GNAL: variants seen among roughly 807,000 people sequenced by gnomAD.
The protein encoded by GNAL is guanine nucleotide-binding protein G(olf) subunit alpha.
Under a neutral mutation model 55.1 loss-of-function variants are expected in GNAL, and 18 were observed. That is an observed-to-expected ratio of 0.33 (90% CI 0.23 to 0.48). GNAL has a LOEUF of 0.48. Ranked by LOEUF, GNAL falls within the 20% of genes least tolerant of loss-of-function variation. GNAL has a pLI of 0.99. For missense variants in GNAL, 412 were observed against 614.1 expected (o/e 0.67, Z 3.48); for synonymous variants, 253 against 237.0 (o/e 1.07, Z -0.62).
At position 11,689,941 on chromosome 18, in the gene GNAL, TA is replaced by T; in HGVS notation, c.376+3del. The T allele has an allele frequency of 1.5e-6, 2 of 1,338,000 alleles. No individual in the cohort carries two copies. The highest frequency in any genetic ancestry group is 1.6e-5 in the African/African-American group (1 of 63,738). 82.9% of individuals were successfully genotyped at this position (1,338,000 alleles called of 1,614,324 possible). A position where few individuals can be genotyped will look rare whatever the true frequency, so the allele number is the denominator to read the frequency against. The stretch of plus-strand genomic sequence containing the variant: ...AGACGCACCGGCTCCTGCTGCTCGG[TA>T]GGTCCCGGCCGCGAGGTCGGCTGAC... On this transcript the variant is annotated splice_donor_region_variant and intron_variant, in intron 1 of 11. Coordinates refer to ENST00000334049, the MANE Select transcript of GNAL (RefSeq NM_182978.4).
chr18:11,729,097 C>T (rs1401963260), intron 1 of GNAL, among the ~76,000 whole-genome samples: 2 of 151,850 alleles, frequency 1.3e-5, no homozygotes, highest in East Asian at 1.9e-4. Context: ...GGTATTTGGC[C>T]GCAAACGAGA....
rs2036775570 is a variant in GNAL at position 11,883,557 on chromosome 18, C to T, written c.*2422C>T. 1 of 153,646 alleles carries T rather than the reference C, an allele frequency of 6.5e-6. No homozygotes were observed. Among genetic ancestry groups the T allele is most frequent in the Non-Finnish European group, 1.5e-5 (1 of 68,042 alleles). The allele number at this position is 153,646 out of a possible 1,614,324, so 9.5% of individuals were successfully genotyped here. A position where few individuals can be genotyped will look rare whatever the true frequency, so the allele number is the denominator to read the frequency against. On this transcript the variant is annotated 3_prime_UTR_variant, in exon 12 of 12. Transcript: ENST00000334049. The stretch of plus-strand genomic sequence containing the variant: ...CCACTTTTTAAGTTTCTTTTGATCA[C>T]TGACAGGCATTAACAGATGTAGCAA...
intron 6 of GNAL, among the ~76,000 whole-genome samples, chr18:11,864,246 C>T (rs926892487): frequency 6.6e-6 from 1 of 152,046 alleles, no homozygotes; most frequent in African/African-American, 2.4e-5. Context: ...GTGACCACAC[C>T]TGGCTAATTT....
intron 4 of GNAL, among the ~76,000 whole-genome samples, chr18:11,803,756 G>A (rs1257084985): frequency 6.6e-6 from 1 of 151,572 alleles, no homozygotes; most frequent in East Asian, 1.9e-4. Flanking sequence ...TAGTGGTGAA[G>A]TACAGGTGCA....
intron 4 of GNAL, among the ~76,000 whole-genome samples, chr18:11,798,297 C>T (rs2034441118): frequency 6.6e-6 from 1 of 152,196 alleles, no homozygotes; most frequent in Non-Finnish European, 1.5e-5. Context: ...ATTTGTAAAA[C>T]ATGTTCATTA....
intron 1 of GNAL, among the ~76,000 whole-genome samples, chr18:11,693,158 G>T (rs1017145755): frequency 7.3e-6 from 1 of 136,306 alleles, no homozygotes; most frequent in Non-Finnish European, 1.6e-5. Context: ...TAAAATAAAG[G>T]ATATGAGAAG....
At chr18:11,870,124 G>A (rs1003913230) in intron 9 of GNAL, among the ~76,000 whole-genome samples, 4 of 152,156 alleles carry the variant, frequency 2.6e-5, no homozygotes, top group Admixed American at 6.5e-5. Flanking sequence ...CTCAAATTTT[G>A]GTTTTCACAG....
At chr18:11,859,289 A>G (rs898421709) in intron 5 of GNAL, among the ~76,000 whole-genome samples, 1 of 152,096 alleles carries the variant, frequency 6.6e-6, no homozygotes, top group African/African-American at 2.4e-5. Context: ...AACCCATCTG[A>G]CTGTCCAGCC....
chr18:11,877,299 CA>C (rs1015880928), intron 11 of GNAL, among the ~76,000 whole-genome samples: 2 of 151,942 alleles, frequency 1.3e-5, no homozygotes, highest in Non-Finnish European at 2.9e-5. Flanking sequence ...ACTAAAAATA[CA>C]AAAAATTAGC....
chr18:11,689,313 G>A lies in GNAL; in HGVS notation c.-251G>A, dbSNP rs2031159242. 3.2e-6 allele frequency: 1 copy of A among 316,536 alleles called. No homozygotes were observed. The highest frequency in any genetic ancestry group is 5.8e-6 in the Non-Finnish European group (1 of 173,388). The allele number at this position is 316,536 out of a possible 1,614,324, so 19.6% of individuals were successfully genotyped here. ...TAGCAAGTGATCTCCAGCCAAGGCG[G>A]CCGCCACCCCTTGCACACAGCAGAA... On this transcript the variant is annotated 5_prime_UTR_variant, in exon 1 of 12. Transcript: ENST00000334049.
In GNAL at chr18:11,822,402, G is replaced by C. The variant is rs375704427; in HGVS notation, c.625-2516G>C. ...AGAGGATCGCTTGAGCCTAAGAGTT[G>C]GAGACCAGCTTGGGCAACATGGTAA... On this transcript the variant is annotated intron_variant, in intron 4 of 11. Transcript: ENST00000334049. Among the ~76,000 whole-genome samples, 3 of 152,144 alleles carry C rather than the reference G, an allele frequency of 2.0e-5. No homozygotes were observed. In the East Asian group the frequency reaches 5.8e-4, roughly 29 times the overall value.
chr18:11,867,877 C>T (rs1183438766), intron 8 of GNAL, among the ~76,000 whole-genome samples: 2 of 151,966 alleles, frequency 1.3e-5, no homozygotes, highest in African/African-American at 4.8e-5. Context: ...GTAATCCCAG[C>T]ACTTTGGGAG....
intron 11 of GNAL, 51 bp downstream of exon 11, chr18:11,876,739 GT>G: frequency 1.0e-6 from 1 of 995,826 alleles, no homozygotes; most frequent in Non-Finnish European, 1.6e-6. Flanking sequence ...TTAATCTTTT[GT>G]TTCTTACAAT....
chr18:11,839,888 T>C (rs549035402), intron 5 of GNAL, among the ~76,000 whole-genome samples: 106 of 152,340 alleles, frequency 7.0e-4, no homozygotes, highest in African/African-American at 2.4e-3. Flanking sequence ...AGGAATGTAA[T>C]GAAAGCTTTT....
intron 4 of GNAL, chr18:11,811,379 C>T (rs1390388934): frequency 6.5e-6 from 1 of 153,228 alleles, no homozygotes; most frequent in East Asian, 1.9e-4. Flanking sequence ...TCCTTTCTGC[C>T]CCACCCACCT....
intron 4 of GNAL, among the ~76,000 whole-genome samples, chr18:11,824,277 A>G (rs2143647192): frequency 6.6e-6 from 1 of 151,336 alleles, no homozygotes; most frequent in Non-Finnish European, 1.5e-5. Flanking sequence ...GGGGGGTTCA[A>G]TGAGTTAAGT....
chr18:11,749,682 G>A (rs564207876), intron 1 of GNAL, among the ~76,000 whole-genome samples: 4 of 152,310 alleles, frequency 2.6e-5, no homozygotes, highest in East Asian at 1.9e-4. Flanking sequence ...TGAGACCAGC[G>A]GAGAATCTGG....
intron 4 of GNAL, among the ~76,000 whole-genome samples, chr18:11,775,535 G>A (rs1302344453): frequency 6.6e-6 from 1 of 152,228 alleles, no homozygotes. Context: ...CCTACACTCT[G>A]AGCCACAATG....
chr18:11,724,119 T>A (rs905691928), intron 1 of GNAL, among the ~76,000 whole-genome samples: 5 of 152,344 alleles, frequency 3.3e-5, no homozygotes, highest in African/African-American at 7.2e-5. Context: ...CATTAGTCTG[T>A]TCTTGCATTG....
Sources: gnomAD v4.1 joint callset for allele counts (sites outside exome capture counted in the v4.1 genomes callset) on GRCh38, gnomAD v4.1.1 for gene constraint, MANE v1.5 for transcripts, NCBI Gene and HGNC (gene_info 2026-07-23, HGNC 2026-07-21) for gene names.